IMMP2L: variants seen among roughly 807,000 people sequenced by gnomAD.
IMMP2L encodes mitochondrial inner membrane protease subunit 2.
IMMP2L carries 18 observed loss-of-function variants against 19.3 expected under a neutral mutation model. The ratio of observed to expected loss-of-function variants is 0.93; its 90% confidence interval spans 0.64 to 1.38. The LOEUF (loss-of-function observed/expected upper bound fraction) is 1.38, where lower values mean the gene tolerates loss of function less well. Ranked by LOEUF, IMMP2L falls within the 40% of genes most tolerant of loss-of-function variation. IMMP2L has a pLI of 0.00. For synonymous variants in IMMP2L, 76 were observed against 73.0 expected, an observed-to-expected ratio of 1.04 and a Z score of -0.21; for missense variants, 233 against 218.2, an observed-to-expected ratio of 1.07 and a Z score of -0.43.
intron 3 of IMMP2L, among the ~76,000 whole-genome samples, chr7:111,114,958 G>A (rs990477703): frequency 2.0e-5 from 3 of 151,986 alleles, no homozygotes; most frequent in African/African-American, 7.2e-5. Flanking sequence ...TTACAGACAG[G>A]CATCACCCAA....
intron 3 of IMMP2L, among the ~76,000 whole-genome samples, chr7:111,331,149 C>T (rs77431432): frequency 0.051 from 7,741 of 151,908 alleles, 259 homozygotes; most frequent in South Asian, 0.085. Flanking sequence ...CAGCACTATT[C>T]ACCATCGCTA....
At chr7:110,997,109 C>A (rs892212806) in intron 3 of IMMP2L, among the ~76,000 whole-genome samples, 2 of 152,106 alleles carry the variant, frequency 1.3e-5, no homozygotes, top group African/African-American at 4.8e-5. Context: ...CTAATCTGTT[C>A]TCTATCTCTA....
chr7:111,426,855 T>G (rs1386225427), intron 3 of IMMP2L, among the ~76,000 whole-genome samples: 1 of 151,134 alleles, frequency 6.6e-6, no homozygotes, highest in African/African-American at 2.4e-5. Flanking sequence ...TGTTTGGTGT[T>G]TAATAAATAG....
intron 4 of IMMP2L, among the ~76,000 whole-genome samples, chr7:110,943,859 GA>G (rs2129553300): frequency 6.6e-6 from 1 of 152,082 alleles, no homozygotes; most frequent in East Asian, 1.9e-4. Context: ...GCTGGAGAGA[GA>G]AAAATGAAAA....
intron 3 of IMMP2L, among the ~76,000 whole-genome samples, chr7:111,311,724 A>T (rs1465979200): frequency 6.6e-6 from 1 of 152,046 alleles, no homozygotes; most frequent in Non-Finnish European, 1.5e-5. Context: ...TCACGACATC[A>T]ATTATGTTTC....
intron 3 of IMMP2L, among the ~76,000 whole-genome samples, chr7:111,404,523 A>G (rs1833749609): frequency 6.6e-6 from 1 of 152,108 alleles, no homozygotes; most frequent in African/African-American, 2.4e-5. Flanking sequence ...CTCTTTTTCC[A>G]TTTAGAAATA....
At chr7:111,425,299 AT>A in intron 3 of IMMP2L, among the ~76,000 whole-genome samples, 1 of 144,942 alleles carries the variant, frequency 6.9e-6, no homozygotes, top group Non-Finnish European at 1.6e-5. Flanking sequence ...TTCTGGGATG[AT>A]GTTAATGTTC....
chr7:111,432,718 C>A (rs563815429), intron 3 of IMMP2L, among the ~76,000 whole-genome samples: 1 of 151,238 alleles, frequency 6.6e-6, no homozygotes, highest in Non-Finnish European at 1.5e-5. Flanking sequence ...CTCACTAGAG[C>A]AATCAGGCAA....
intron 3 of IMMP2L, among the ~76,000 whole-genome samples, chr7:111,189,304 G>A (rs1481694563): frequency 1.3e-5 from 2 of 151,582 alleles, no homozygotes; most frequent in South Asian, 2.1e-4. Context: ...TCAGAAGCCT[G>A]AGAGGCCTGT....
chr7:110,909,889 G>GGAGA (rs71778763), intron 4 of IMMP2L, among the ~76,000 whole-genome samples: 3 of 148,366 alleles, frequency 2.0e-5, no homozygotes, highest in Non-Finnish European at 3.0e-5. Context: ...GTTAAACAGA[G>GGAGA]GAGAGAGAGA....
At chr7:110,759,730 T>C (rs144100485) in intron 5 of IMMP2L, among the ~76,000 whole-genome samples, 10 of 152,260 alleles carry the variant, frequency 6.6e-5, no homozygotes, top group African/African-American at 2.4e-4. Flanking sequence ...TACATGCCCT[T>C]GTTCAACTTT....
intron 5 of IMMP2L, among the ~76,000 whole-genome samples, chr7:110,817,145 T>C (rs1802596139): frequency 6.6e-6 from 1 of 152,100 alleles, no homozygotes. Flanking sequence ...TAAAGGGTAT[T>C]CAATTAGGAA....
chr7:110,887,114 A>T (rs1287604911), intron 4 of IMMP2L, among the ~76,000 whole-genome samples: 1 of 152,024 alleles, frequency 6.6e-6, no homozygotes, highest in Non-Finnish European at 1.5e-5. Flanking sequence ...TTTTCGGTCA[A>T]ACTTCTCAAA....
chr7:111,427,172 T>C (rs984814671), intron 3 of IMMP2L, among the ~76,000 whole-genome samples: 1 of 151,632 alleles, frequency 6.6e-6, no homozygotes, highest in Non-Finnish European at 1.5e-5. Context: ...TGGCTGAGGA[T>C]AGAAATATCA....
chr7:110,880,494 C>T (rs1485755887), intron 5 of IMMP2L, among the ~76,000 whole-genome samples: 1 of 151,986 alleles, frequency 6.6e-6, no homozygotes, highest in East Asian at 1.9e-4. Flanking sequence ...AATAATTACC[C>T]ATCAAATATT....
intron 3 of IMMP2L, among the ~76,000 whole-genome samples, chr7:111,323,869 T>C (rs1232827905): frequency 6.6e-6 from 1 of 151,996 alleles, no homozygotes; most frequent in African/African-American, 2.4e-5. Context: ...GAAACCATCA[T>C]TCTCAGCAAA....
chr7:111,132,651 T>C (rs1306553592), intron 3 of IMMP2L, among the ~76,000 whole-genome samples: 1 of 152,016 alleles, frequency 6.6e-6, no homozygotes, highest in African/African-American at 2.4e-5. Flanking sequence ...ACTTTATAAA[T>C]TGTATAATGT....
chr7:111,466,107 C>T (rs143282762), intron 3 of IMMP2L, among the ~76,000 whole-genome samples: 3,479 of 152,172 alleles, frequency 0.023, 142 homozygotes, highest in African/African-American at 0.079. Flanking sequence ...TTCTCACTCA[C>T]AGATGGGAAT....
chr7:111,103,138 T>C (rs1798162383), intron 3 of IMMP2L, among the ~76,000 whole-genome samples: 2 of 151,628 alleles, frequency 1.3e-5, no homozygotes. Flanking sequence ...ACAATATCTA[T>C]TAGACTTTGT....
Sources: allele counts gnomAD v4.1 joint callset (sites outside exome capture counted in the v4.1 genomes callset), GRCh38; gene constraint gnomAD v4.1.1; transcripts MANE v1.5; gene names NCBI Gene and HGNC (gene_info 2026-07-23, HGNC 2026-07-21).